CCNY: variants seen among roughly 807,000 people sequenced by gnomAD.
CCNY encodes cyclin Y, also known as cyclin-Y.
Under a neutral mutation model 42.8 loss-of-function variants are expected in CCNY, and 19 were observed. That is an observed-to-expected ratio of 0.44 (90% CI 0.31 to 0.65). The LOEUF (loss-of-function observed/expected upper bound fraction) is 0.65. Ranked by LOEUF, CCNY falls within the 30% of genes least tolerant of loss-of-function variation. The pLI is 0.07. For missense variants in CCNY, 370 were observed against 437.3 expected, an observed-to-expected ratio of 0.85 and a Z score of 1.37; for synonymous variants, 165 against 162.7, an observed-to-expected ratio of 1.01 and a Z score of -0.11.
intron 8 of CCNY, among the ~76,000 whole-genome samples, chr10:35,562,036 C>A (rs1364632724): frequency 2.0e-5 from 3 of 152,194 alleles, no homozygotes; most frequent in South Asian, 2.1e-4. Flanking sequence ...GTGGCAACCG[C>A]TGTGGATGGG....
intron 1 of CCNY, among the ~76,000 whole-genome samples, chr10:35,405,863 C>G (rs1837747160): frequency 6.6e-6 from 1 of 152,202 alleles, no homozygotes; most frequent in Non-Finnish European, 1.5e-5. Flanking sequence ...TGGGGTCCTG[C>G]ACAGATGGGA....
intron 7 of CCNY, among the ~76,000 whole-genome samples, chr10:35,533,297 T>C (rs1840809414): frequency 6.6e-6 from 1 of 151,104 alleles, no homozygotes; most frequent in Non-Finnish European, 1.5e-5. Flanking sequence ...GGTCCTGCTC[T>C]TTTTTTTCTC....
chr10:35,375,303 T>C (rs1837027946), intron 1 of CCNY, among the ~76,000 whole-genome samples: 1 of 152,194 alleles, frequency 6.6e-6, no homozygotes, highest in South Asian at 2.1e-4. Context: ...TAGAAGTTGC[T>C]CACATTCCTT....
intron 1 of CCNY, among the ~76,000 whole-genome samples, chr10:35,473,874 A>C (rs1173693760): frequency 6.6e-6 from 1 of 152,124 alleles, no homozygotes. Flanking sequence ...CTGCATTTCC[A>C]TCTGAGGTAC....
At chr10:35,541,704 A>G (rs1185765390) in intron 7 of CCNY, among the ~76,000 whole-genome samples, 1 of 152,026 alleles carries the variant, frequency 6.6e-6, no homozygotes, top group Admixed American at 6.6e-5. Context: ...CTGCCCATAT[A>G]TTATTATTAA....
At position 35,530,301 on chromosome 10, in the gene CCNY, C is replaced by G. The variant is rs918628665; in HGVS notation, c.579+58C>G. 7.5e-6 allele frequency: 12 copies of G among 1,607,560 alleles called. No homozygotes were observed. The African/African-American group carries it at 1.6e-4, about 21-fold the overall frequency. On this transcript the variant is annotated intron_variant, in intron 7 of 9. Coordinates refer to ENST00000374704, the MANE Select transcript of CCNY (RefSeq NM_145012.6). This position sits in a 1 kb window ranked among gnomAD's most constrained non-coding sequence, Gnocchi z 4.3. The stretch of plus-strand genomic sequence containing the variant: ...CAGCCGAGGTGGTCCAGGGCCCGTT[C>G]CTGTTACTCAGCGGAGTGAGGTTGG...
At chr10:35,392,574 G>A (rs1353859245) in intron 1 of CCNY, among the ~76,000 whole-genome samples, 1 of 152,224 alleles carries the variant, frequency 6.6e-6, no homozygotes, top group Non-Finnish European at 1.5e-5. Flanking sequence ...TTTGACAGAT[G>A]GCCAGATGGC....
chr10:35,368,651 G>A (rs1012501637), intron 1 of CCNY, among the ~76,000 whole-genome samples: 4 of 137,416 alleles, frequency 2.9e-5, no homozygotes, highest in Admixed American at 7.2e-5. Flanking sequence ...GTCAGCGCCT[G>A]GGTGACTCCC....
At chr10:35,560,426 C>T (rs1841443705) in intron 8 of CCNY, among the ~76,000 whole-genome samples, 1 of 152,100 alleles carries the variant, frequency 6.6e-6, no homozygotes, top group Non-Finnish European at 1.5e-5. Flanking sequence ...CCTAATATGA[C>T]AGGTGTCCTA....
At chr10:35,262,639 G>T (rs7897088) in intron 3 of CCNY, among the ~76,000 whole-genome samples, 56,255 of 151,894 alleles carry the variant, frequency 0.37, 11,003 homozygotes, top group African/African-American at 0.5. Flanking sequence ...TAGGATTACA[G>T]GGGTGAGTCG....
chr10:35,472,960 G>C (rs1169225185), intron 1 of CCNY, among the ~76,000 whole-genome samples: 3 of 152,218 alleles, frequency 2.0e-5, no homozygotes, highest in Admixed American at 2.0e-4. Flanking sequence ...ATGCATGTTG[G>C]TCCATTTAAC....
intron 3 of CCNY, among the ~76,000 whole-genome samples, chr10:35,284,412 G>T (rs1368558688): frequency 6.6e-6 from 1 of 152,104 alleles, no homozygotes. Flanking sequence ...AAGTTATGTG[G>T]ATATAGTTGT....
chr10:35,433,671 G>A (rs1838462730), intron 1 of CCNY, among the ~76,000 whole-genome samples: 1 of 152,222 alleles, frequency 6.6e-6, no homozygotes, highest in African/African-American at 2.4e-5. Flanking sequence ...GAGTACAGTG[G>A]TGCGATCTCG....
intron 7 of CCNY, among the ~76,000 whole-genome samples, chr10:35,549,635 G>A (rs1387071490): frequency 7.2e-6 from 1 of 139,388 alleles, no homozygotes. Flanking sequence ...TACAGTGCTC[G>A]TGACCCTGCG....
At chr10:35,273,758 G>A (rs952459018) in intron 3 of CCNY, among the ~76,000 whole-genome samples, 2 of 152,200 alleles carry the variant, frequency 1.3e-5, no homozygotes, top group African/African-American at 4.8e-5. Flanking sequence ...ATGCTGCATA[G>A]CCTTGTTCCC....
Position 35,282,830 on chromosome 10 carries a change from C to T in CCNY, c.-9+32204C>T, listed in dbSNP as rs529919605. 5.9e-5 allele frequency among the ~76,000 whole-genome samples: 9 copies of T among 152,070 alleles called. No homozygotes were observed. The South Asian group carries it at 1.7e-3, about 28-fold the overall frequency. Reference sequence around the variant, plus strand: ...ACTCGCAATGAAGAAGAGCCTATTGCCAGGCTGTTAGGACATATAAATTGT... The same window carrying T: ...ACTCGCAATGAAGAAGAGCCTATTGTCAGGCTGTTAGGACATATAAATTGT... On this transcript the variant is annotated intron_variant, in intron 3 of 11. Coordinates refer to the CCNY transcript ENST00000374706.
chr10:35,286,110 C>T (rs1342863244), intron 3 of CCNY, among the ~76,000 whole-genome samples: 1 of 152,052 alleles, frequency 6.6e-6, no homozygotes, highest in Admixed American at 6.6e-5. Flanking sequence ...CCACGCCTGG[C>T]CTGGATTTAG....
rs57776627 is a variant in CCNY, at chr10:35,517,768, A to T, written c.365+1145A>T. Among the ~76,000 whole-genome samples, 1,075 of 152,304 alleles carry T rather than the reference A, an allele frequency of 7.1e-3. 16 individuals are homozygous for T. Among genetic ancestry groups the T allele is most frequent in the African/African-American group, 0.024 (1,017 of 41,560 alleles). ...AAGTGACTAGTGGGCATAAACTCAC[A>T]CTGGCAGCACTCACAGAGCTCTGTC... On this transcript the variant is annotated intron_variant, in intron 4 of 9. Coordinates refer to ENST00000374704, the MANE Select transcript of CCNY (RefSeq NM_145012.6).
At chr10:35,404,298 T>G (rs571022162) in intron 1 of CCNY, among the ~76,000 whole-genome samples, 5 of 152,198 alleles carry the variant, frequency 3.3e-5, no homozygotes, top group Non-Finnish European at 7.3e-5. Flanking sequence ...GTCCTGGTTC[T>G]TGTGTAAGAA....
Sources: gnomAD v4.1 joint callset for allele counts (sites outside exome capture counted in the v4.1 genomes callset) on GRCh38, gnomAD v4.1.1 for gene constraint, Gnocchi (gnomAD v3.1) non-coding constraint, MANE v1.5 for transcripts, NCBI Gene and HGNC (gene_info 2026-07-23, HGNC 2026-07-21) for gene names.